PTPRD: variants seen among roughly 807,000 people sequenced by gnomAD.
PTPRD encodes receptor-type tyrosine-protein phosphatase delta.
In PTPRD, 34 loss-of-function variants were observed where a neutral mutation model predicts 214.5. That is an observed-to-expected ratio of 0.16 (90% confidence interval 0.12 to 0.21). The LOEUF (loss-of-function observed/expected upper bound fraction) is 0.21. Among genes scored for constraint, PTPRD ranks in the 10% least tolerant of loss-of-function variants. The pLI, the probability that PTPRD is intolerant of heterozygous loss-of-function variation, is 1.00. For missense variants in PTPRD, 2,545 were observed against 2,398.7 expected, an observed-to-expected ratio of 1.06 and a Z score of -1.27; for synonymous variants, 1,128 against 845.7, an observed-to-expected ratio of 1.33 and a Z score of -5.79.
At chr9:9,395,462 G>C (rs549600034) in intron 9 of PTPRD, among the ~76,000 whole-genome samples, 1 of 152,198 alleles carries the variant, frequency 6.6e-6, no homozygotes, top group East Asian at 1.9e-4. Flanking sequence ...AGTTGATTCT[G>C]ATATGCAACC....
intron 9 of PTPRD, among the ~76,000 whole-genome samples, chr9:9,385,083 AAC>A (rs1328741807): frequency 6.6e-6 from 1 of 152,166 alleles, no homozygotes; most frequent in Non-Finnish European, 1.5e-5. Flanking sequence ...AGGTTGAACA[AAC>A]ACAGGTCTTC....
intron 11 of PTPRD, among the ~76,000 whole-genome samples, chr9:8,965,075 A>C (rs985830449): frequency 2.0e-5 from 3 of 152,038 alleles, no homozygotes; most frequent in African/African-American, 2.4e-5. Context: ...TGTCAAGTTT[A>C]AGTTCAGGAT....
intron 3 of PTPRD, among the ~76,000 whole-genome samples, chr9:10,081,839 T>C (rs989011126): frequency 2.0e-5 from 3 of 152,176 alleles, no homozygotes; most frequent in Middle Eastern, 3.4e-3. Context: ...GTCATGAAAA[T>C]AGCTGAGTGC....
chr9:9,902,384 T>G lies in PTPRD; in HGVS notation c.-368+36123A>C, dbSNP rs996781717. Reference sequence around the variant, plus strand: ...CCATTAATGTATTGTTTTCATTTCCTGAGTATGATTCTTTAGTTTCTTTTT... The same window carrying G: ...CCATTAATGTATTGTTTTCATTTCCGGAGTATGATTCTTTAGTTTCTTTTT... On this transcript the variant is annotated intron_variant, in intron 5 of 45. Transcript: ENST00000381196. Among the ~76,000 whole-genome samples, 11 of 152,290 alleles carry G rather than the reference T, an allele frequency of 7.2e-5. No individual in the cohort carries two copies. In the South Asian group the frequency reaches 2.1e-3, roughly 29 times the overall value.
chr9:8,953,234 C>T (rs1018515732), intron 11 of PTPRD, among the ~76,000 whole-genome samples: 4 of 151,730 alleles, frequency 2.6e-5, no homozygotes, highest in East Asian at 1.9e-4. Flanking sequence ...GGAGAAGGGT[C>T]GCTACAGCTG....
At chr9:8,829,990 T>G (rs1237854956) in intron 11 of PTPRD, among the ~76,000 whole-genome samples, 2 of 152,202 alleles carry the variant, frequency 1.3e-5, no homozygotes, top group African/African-American at 4.8e-5. Context: ...AAATATTTAC[T>G]GGGTAATACC....
At chr9:9,544,397 T>G (rs1393248321) in intron 8 of PTPRD, among the ~76,000 whole-genome samples, 1 of 151,686 alleles carries the variant, frequency 6.6e-6, no homozygotes, top group Non-Finnish European at 1.5e-5. Flanking sequence ...AAGTCCGACT[T>G]CATTTTGATT....
chr9:9,271,529 C>T (rs900383910), intron 9 of PTPRD, among the ~76,000 whole-genome samples: 1 of 151,292 alleles, frequency 6.6e-6, no homozygotes, highest in African/African-American at 2.4e-5. Flanking sequence ...GAATTGAATT[C>T]ATTTAATCTA....
intron 4 of PTPRD, among the ~76,000 whole-genome samples, chr9:9,962,003 G>A (rs546175455): frequency 6.6e-6 from 1 of 152,006 alleles, no homozygotes; most frequent in Non-Finnish European, 1.5e-5. Context: ...GAATTTCATA[G>A]AAAATAACTT....
At chr9:9,682,306 T>C (rs2097090721) in intron 7 of PTPRD, among the ~76,000 whole-genome samples, 1 of 151,810 alleles carries the variant, frequency 6.6e-6, no homozygotes, top group Admixed American at 6.6e-5. Flanking sequence ...GGATCCTCTT[T>C]CCCATTCTAC....
intron 3 of PTPRD, among the ~76,000 whole-genome samples, chr9:10,116,036 G>C (rs1432170190): frequency 6.6e-6 from 1 of 151,996 alleles, no homozygotes; most frequent in Non-Finnish European, 1.5e-5. Flanking sequence ...TGGTTTATTA[G>C]GGAACAAAAT....
At chr9:10,132,591 G>A (rs1261267638) in intron 3 of PTPRD, among the ~76,000 whole-genome samples, 1 of 152,104 alleles carries the variant, frequency 6.6e-6, no homozygotes, top group South Asian at 2.1e-4. Flanking sequence ...TATTGACTTA[G>A]CATGTCCACC....
intron 4 of PTPRD, among the ~76,000 whole-genome samples, chr9:10,014,417 T>A (rs1302617212): frequency 6.6e-6 from 1 of 152,048 alleles, no homozygotes; most frequent in African/African-American, 2.4e-5. Flanking sequence ...TATATAAAAG[T>A]CCAGTGACCA....
chr9:10,006,445 G>A (rs181387637), intron 4 of PTPRD, among the ~76,000 whole-genome samples: 402 of 151,834 alleles, frequency 2.6e-3, no homozygotes, highest in Non-Finnish European at 4.3e-3. Context: ...TTGGCAAACC[G>A]TTACTTATTC....
At chr9:8,620,575 G>A (rs573525741) in intron 14 of PTPRD, among the ~76,000 whole-genome samples, 2 of 152,106 alleles carry the variant, frequency 1.3e-5, no homozygotes, top group Admixed American at 1.3e-4. Flanking sequence ...CTTTCAGAAT[G>A]GAGAAATTTT....
chr9:10,094,696 A>C (rs2098465977), intron 3 of PTPRD, among the ~76,000 whole-genome samples: 1 of 151,348 alleles, frequency 6.6e-6, no homozygotes, highest in Non-Finnish European at 1.5e-5. Context: ...GCAGAGCTTG[A>C]CTTCTCAACA....
intron 11 of PTPRD, among the ~76,000 whole-genome samples, chr9:8,818,489 T>C (rs898229788): frequency 1.3e-5 from 2 of 152,210 alleles, no homozygotes; most frequent in Non-Finnish European, 2.9e-5. Flanking sequence ...GCTAATGTCA[T>C]GATCATATAC....
intron 3 of PTPRD, among the ~76,000 whole-genome samples, chr9:10,229,699 T>C (rs1402425294): frequency 7.0e-6 from 1 of 143,418 alleles, no homozygotes; most frequent in African/African-American, 2.6e-5. Context: ...CCGGGGATGG[T>C]TGTGGGGTGG....
intron 11 of PTPRD, among the ~76,000 whole-genome samples, chr9:8,770,905 C>A (rs114901819): frequency 6.6e-6 from 1 of 152,084 alleles, no homozygotes; most frequent in Admixed American, 6.6e-5. Flanking sequence ...TTATGCCAGG[C>A]GTGGTGGCTC....
Sources: allele counts gnomAD v4.1 joint callset (sites outside exome capture counted in the v4.1 genomes callset), GRCh38; gene constraint gnomAD v4.1.1; transcripts MANE v1.5; gene names NCBI Gene and HGNC (gene_info 2026-07-23, HGNC 2026-07-21).